ITGA10: variants seen among roughly 807,000 people sequenced by gnomAD.
ITGA10 encodes the protein integrin alpha-10.
Under a neutral mutation model 145.2 loss-of-function variants are expected in ITGA10, and 105 were observed. That is an observed-to-expected ratio of 0.72 (90% CI 0.62 to 0.85). The LOEUF (loss-of-function observed/expected upper bound fraction) is 0.85. Among genes scored for constraint, ITGA10 ranks in the 40% least tolerant of loss-of-function variants. ITGA10 has a pLI of 0.00. For missense variants in ITGA10, 1,317 were observed against 1,444.5 expected, an observed-to-expected ratio of 0.91 and a Z score of 1.43; for synonymous variants, 506 against 557.8, an observed-to-expected ratio of 0.91 and a Z score of 1.31.
In ITGA10 at chr1:145,897,338, C is replaced by G; in HGVS notation, c.2576G>C (p.Arg859Thr). 1 of 1,614,078 alleles carries G rather than the reference C, an allele frequency of 6.2e-7. No individual in the cohort carries two copies. ...ACATTCCACCTTTATTGGGCTCTCT[C>G]TCTGAGGGCAGGGGAATGGAGATAG... ...NLHLASLTPQ[R>T]ESPIKVECAA... The change falls in exon 21 of 30, where the codon AGA becomes ACA. Residue 859 changes from arginine to threonine, a missense_variant and splice_region_variant. Coordinates refer to ENST00000369304, the MANE Select transcript of ITGA10 (RefSeq NM_003637.5).
In ITGA10 at chr1:145,891,636, G is replaced by A. The variant is rs1185219956; in HGVS notation, c.*1162C>T. On this transcript the variant is annotated 3_prime_UTR_variant, in exon 30 of 30. Transcript: ENST00000369304. The stretch of plus-strand genomic sequence containing the variant: ...GAGATTTCCAGTAAGCATCAAGCAA[G>A]GGCTGGCAAACTGATTCCACCAGAG... 1 of 152,218 alleles carries A rather than the reference G, an allele frequency of 6.6e-6. No homozygotes were observed. The highest frequency in any genetic ancestry group is 1.5e-5 in the Non-Finnish European group (1 of 68,064). The allele number at this position is 152,218 out of a possible 1,614,324, so 9.4% of individuals were successfully genotyped here.
chr1:145,896,767 A>G lies in ITGA10; in HGVS notation c.2834+2T>C. On this transcript the variant is annotated splice_donor_variant, in intron 23 of 29. Coordinates refer to ENST00000369304, the MANE Select transcript of ITGA10 (RefSeq NM_003637.5). LOFTEE classifies it high-confidence loss of function. The stretch of plus-strand genomic sequence containing the variant: ...GGGTCCCACCCTAGAAGCTGGGCAT[A>G]CCTAGAGAACAGGAGGTGGGGCTCA... 1.2e-6 allele frequency: 2 copies of G among 1,611,330 alleles called. No individual in the cohort carries two copies. The highest frequency in any genetic ancestry group is 2.7e-5 in the African/African-American group (2 of 74,970).
chr1:145,907,358 G>T lies in ITGA10; in HGVS notation c.160C>A (p.Arg54=). ...GCACTCCGGTTTCTTCCTCACCATC[G>T]CTGTCCACCCCCAACATGTTGTAAG... is the stretch of plus-strand genomic sequence containing the variant. ...SVLQHVGGGQ[R]WMLVGAPWDG... is the part of the protein sequence containing the mutation. Residue 54 remains arginine, a synonymous_variant, in exon 2 of 30, where the codon CGA becomes AGA. Coordinates refer to ENST00000369304, the MANE Select transcript of ITGA10 (RefSeq NM_003637.5). 6.2e-7 allele frequency: 1 copy of T among 1,614,072 alleles called. No individual in the cohort carries two copies. The highest frequency in any genetic ancestry group is 8.5e-7 in the Non-Finnish European group (1 of 1,180,008).
At position 145,897,848 on chromosome 1, in the gene ITGA10, A is replaced by T; in HGVS notation, c.2399T>A (p.Val800Glu). ...GPDNECVTDLVLQVNMDIRGS... is the reference protein window; with the variant it reads ...GPDNECVTDLELQVNMDIRGS... Reference sequence around the variant, plus strand: ...TCTGATGTCCATATTCACTTGAAGCACCAGGTCTGTGACACATTCATTGTC... The same window carrying T: ...TCTGATGTCCATATTCACTTGAAGCTCCAGGTCTGTGACACATTCATTGTC... Residue 800 changes from valine (V) to glutamate (E), a missense_variant, in exon 19 of 30, where the codon GTG (valine) becomes GAG (glutamate). Transcript: ENST00000369304. 6.2e-7 allele frequency: 1 copy of T among 1,614,142 alleles called. No individual in the cohort carries two copies. Among genetic ancestry groups the T allele is most frequent in the Non-Finnish European group, 8.5e-7 (1 of 1,180,028 alleles).
intron 25 of ITGA10, 77 bp downstream of exon 25, chr1:145,895,906 G>T: frequency 1.7e-6 from 2 of 1,189,142 alleles, no homozygotes; most frequent in Non-Finnish European, 2.5e-6. Flanking sequence ...CAGATAGGGA[G>T]CTGGTGTGGT....
intron 2 of ITGA10, 40 bp downstream of exon 2, chr1:145,907,314 C>A: frequency 6.2e-7 from 1 of 1,614,136 alleles, no homozygotes; most frequent in South Asian, 1.1e-5. Context: ...GTTAGCACTA[C>A]TGCAGTCCCA....
Position 145,902,833 on chromosome 1 carries a change from C to A in ITGA10, c.887G>T (p.Arg296Ile), listed in dbSNP as rs1553749504. 5 of 1,612,140 alleles carry A rather than the reference C, an allele frequency of 3.1e-6. No individual in the cohort carries two copies. The highest frequency in any genetic ancestry group is 2.2e-5 in the East Asian group (1 of 44,890). The change falls in exon 8 of 30, where the codon AGA (arginine) becomes ATA (isoleucine). Residue 296 changes from arginine to isoleucine, a missense_variant. Transcript: ENST00000369304. ...CACTGCAATCCCATAGCGTGTCACT[C>A]TTCCAGCCTCACAGGCCTTTAGTGC... Reference protein sequence around the residue: ...PAALKACEAGRVTRYGIAVLG... With the variant: ...PAALKACEAGIVTRYGIAVLG...
rs1655338921 is a variant in ITGA10 at position 145,895,979 on chromosome 1, T to C, written c.3033+4A>G. On this transcript the variant is annotated splice_donor_region_variant and intron_variant, in intron 25 of 29. Transcript: ENST00000369304. ...GATTCCATGCCCTCCTAGACCAGAC[T>C]CACATTGTTAGTGATGACTTGAGAC... The C allele has an allele frequency of 6.2e-7, 1 of 1,606,668 alleles. No individual in the cohort carries two copies. Among genetic ancestry groups the C allele is most frequent in the South Asian group, 1.1e-5 (1 of 90,912 alleles).
At chr1:145,893,309 C>A in intron 28 of ITGA10, 35 bp from the exon 29 acceptor site, 2 of 1,451,500 alleles carry the variant, frequency 1.4e-6, no homozygotes, top group Non-Finnish European at 1.9e-6. Flanking sequence ...CTACATGCAT[C>A]CTATAACCCA....
chr1:145,909,496 A>G, intron 1 of ITGA10, among the ~76,000 whole-genome samples: 1 of 101,752 alleles, frequency 9.8e-6, no homozygotes, highest in East Asian at 2.8e-4. Context: ...TATATAATAT[A>G]TAATTATGTT....
Position 145,900,172 on chromosome 1 carries a change from A to T in ITGA10, c.1807T>A (p.Ser603Thr). 6.2e-7 allele frequency: 1 copy of T among 1,613,224 alleles called. No homozygotes were observed. Residue 603 changes from serine (S) to threonine (T), a missense_variant, in exon 15 of 30, where the codon TCC becomes ACC. By Grantham distance (58) the Ser-to-Thr change is moderately conservative. Coordinates refer to ENST00000369304, the MANE Select transcript of ITGA10 (RefSeq NM_003637.5). ...AAGTAGCTGAGGGCATGTGGCATGGAGGCAGCAGCAATCCTCTGAGAGGAA... is the reference window on the plus strand; with the variant it reads ...AAGTAGCTGAGGGCATGTGGCATGGTGGCAGCAGCAATCCTCTGAGAGGAA... ...PHPAQRIAAA[S>T]MPHALSYFGR...
At chr1:145,903,023 AT>A in intron 7 of ITGA10, 62 bp from the exon 8 acceptor site, 9 of 645,700 alleles carry the variant, frequency 1.4e-5, no homozygotes, top group Admixed American at 3.5e-5. Flanking sequence ...ACACACACAC[AT>A]ACACACACAC....
chr1:145,899,700 G>A (rs994235014), intron 15 of ITGA10, among the ~76,000 whole-genome samples: 16 of 151,842 alleles, frequency 1.1e-4, no homozygotes, highest in Admixed American at 5.3e-4. Context: ...TAGTAGAGAC[G>A]GGGTTTCACC....
rs1553744696 is a variant in ITGA10 at position 145,895,652 on chromosome 1, C to A, written c.3093G>T (p.Glu1031Asp). ...EPPGPPVHPE[E>D]LQHTNRLNGS... ...ATACCAGTCTGTTTGTGTGTTGAAG[C>A]TCCTCTGGATGCACAGGTGGGCCTG... Residue 1031 changes from glutamate (E) to aspartate (D), a missense_variant, in exon 26 of 30, where the codon GAG becomes GAT. Physicochemically the swap from Glu to Asp is conservative, Grantham distance 45. Transcript: ENST00000369304. 1 of 1,614,080 alleles carries A rather than the reference C, an allele frequency of 6.2e-7. No individual in the cohort carries two copies. The highest frequency in any genetic ancestry group is 1.3e-5 in the African/African-American group (1 of 74,934).
In ITGA10 at chr1:145,895,689, A is replaced by G. The variant is rs754743836; in HGVS notation, c.3056T>C (p.Leu1019Pro). ...CACAGGTGGGCCTGGGGGTTCAGTC[A>G]GGTTCTGCACTATGCAGCTTGCCTA... ...TNNASCIVQN[L>P]TEPPGPPVHP... Residue 1019 changes from leucine (L) to proline (P), a missense_variant, in exon 26 of 30, where the codon CTG becomes CCG. Leu to Pro is a moderately conservative substitution (Grantham distance 98). Transcript: ENST00000369304. The G allele has an allele frequency of 1.9e-6, 3 of 1,614,234 alleles. No homozygotes were observed. The South Asian group carries it at 3.3e-5, about 18-fold the overall frequency.
Position 145,906,214 on chromosome 1 carries a change from C to A in ITGA10, c.481+180G>T, listed in dbSNP as rs587775726. The A allele has an allele frequency of 1.5e-5, 8 of 549,304 alleles. No homozygotes were observed. In the East Asian group the frequency reaches 2.5e-4, roughly 17 times the overall value. 34.0% of individuals were successfully genotyped at this position (549,304 alleles called of 1,614,324 possible). A position where few individuals can be genotyped will look rare whatever the true frequency, so the allele number is the denominator to read the frequency against. On this transcript the variant is annotated intron_variant, in intron 5 of 29. Coordinates refer to ENST00000369304, the MANE Select transcript of ITGA10 (RefSeq NM_003637.5). ...AAAGTGCTAGAATTACAGGTGTGGG[C>A]CACCACACCTGGCCAGGAGTCTGAA...
At chr1:145,896,910 C>G (rs375563780) in intron 22 of ITGA10, 52 bp from the exon 23 acceptor site, 2 of 1,546,082 alleles carry the variant, frequency 1.3e-6, no homozygotes, top group South Asian at 2.2e-5. Context: ...TCAGAAGACA[C>G]CCTTCTCTGT....
intron 6 of ITGA10, 57 bp downstream of exon 6, chr1:145,904,627 C>CA: frequency 6.3e-7 from 1 of 1,596,028 alleles, no homozygotes; most frequent in South Asian, 1.1e-5. Flanking sequence ...CTCCCACCTC[C>CA]ACCTCTTAAG....
At chr1:145,906,089 T>G in intron 5 of ITGA10, 1 of 300,100 alleles carries the variant, frequency 3.3e-6, no homozygotes, top group Non-Finnish European at 6.4e-6. Context: ...ACCCAGCTAA[T>G]TTTTGTATTT....
Sources: allele counts gnomAD v4.1 joint callset (sites outside exome capture counted in the v4.1 genomes callset), GRCh38; gene constraint gnomAD v4.1.1; transcripts MANE v1.5; gene names NCBI Gene and HGNC (gene_info 2026-07-23, HGNC 2026-07-21).